U2SURP: variants seen among roughly 807,000 people sequenced by gnomAD.
The protein encoded by U2SURP is U2 snRNP-associated SURP motif-containing protein.
A neutral mutation model predicts 144.9 loss-of-function variants in U2SURP; 9 were observed. The ratio of observed to expected loss-of-function variants is 0.06; its 90% confidence interval spans 0.04 to 0.11. The LOEUF (loss-of-function observed/expected upper bound fraction) is 0.11. U2SURP is among the 10% of genes least tolerant of loss of function. The pLI, the probability that U2SURP is intolerant of heterozygous loss-of-function variation, is 1.00. For missense variants in U2SURP, 724 were observed against 1,226.7 expected, an observed-to-expected ratio of 0.59 and a Z score of 6.12; for synonymous variants, 408 against 396.8, an observed-to-expected ratio of 1.03 and a Z score of -0.33.
At chr3:143,034,838 A>G (rs1933722454) in intron 18 of U2SURP, 50 bp from the exon 19 acceptor site, 1 of 1,244,498 alleles carries the variant, frequency 8.0e-7, no homozygotes, top group South Asian at 1.3e-5. Flanking sequence ...GCTAAAAGGG[A>G]AAGGAATTTT....
At chr3:143,027,813 A>C (rs908398173) in intron 14 of U2SURP, among the ~76,000 whole-genome samples, 2 of 152,178 alleles carry the variant, frequency 1.3e-5, no homozygotes, top group Non-Finnish European at 1.5e-5. Context: ...TATTGAGGAC[A>C]ATTTTCCATC....
At chr3:143,047,791 G>A (rs1487344271) in intron 24 of U2SURP, among the ~76,000 whole-genome samples, 4 of 85,404 alleles carry the variant, frequency 4.7e-5, no homozygotes, top group African/African-American at 1.3e-4. Flanking sequence ...GCGACTGGCC[G>A]GGCAGAGGGG....
chr3:143,033,060 T>G, intron 17 of U2SURP, 114 bp downstream of exon 17: 1 of 1,217,472 alleles, frequency 8.2e-7, no homozygotes, highest in Non-Finnish European at 1.1e-6. Context: ...TGCAGTCTTA[T>G]GTTATTTCTG....
intron 16 of U2SURP, among the ~76,000 whole-genome samples, chr3:143,032,450 G>A (rs1442760531): frequency 2.0e-5 from 3 of 152,162 alleles, no homozygotes; most frequent in Non-Finnish European, 4.4e-5. Context: ...CTTCAAAGAA[G>A]GGGAGTAAAG....
In U2SURP at chr3:143,028,355, C is replaced by T; in HGVS notation, c.1395C>T (p.Asn465=). 1 of 1,612,184 alleles carries T rather than the reference C, an allele frequency of 6.2e-7. No individual in the cohort carries two copies. ...TTTTGTGTAGGTTCTTATTTGAAAACCAGACACCAGCCCATGTTTACTATA... is the reference window on the plus strand; with the variant it reads ...TTTTGTGTAGGTTCTTATTTGAAAATCAGACACCAGCCCATGTTTACTATA... ...NNPMFRFLFE[N]QTPAHVYYRW... The change falls in exon 15 of 28, where the codon AAC becomes AAT. Residue 465 remains asparagine, a synonymous_variant. Transcript: ENST00000473835.
rs1249912841 is a variant in U2SURP at position 143,006,628 on chromosome 3, G to A, written c.46-4187G>A. 2.0e-5 allele frequency among the ~76,000 whole-genome samples: 3 copies of A among 152,104 alleles called. No homozygotes were observed. The East Asian group carries it at 5.8e-4, about 29-fold the overall frequency. On this transcript the variant is annotated intron_variant, in intron 1 of 27. Transcript: ENST00000473835. ...AAATTAGCTGGGCATGGTGGCACATGCTACTCGGGAGGCTGAGGCAGGAGA... is the reference window on the plus strand; with the variant it reads ...AAATTAGCTGGGCATGGTGGCACATACTACTCGGGAGGCTGAGGCAGGAGA...
intron 24 of U2SURP, among the ~76,000 whole-genome samples, chr3:143,046,979 C>A (rs1224030410): frequency 7.7e-6 from 1 of 129,434 alleles, no homozygotes; most frequent in Non-Finnish European, 1.6e-5. Flanking sequence ...CCGGACGGGG[C>A]GGCTGGCCGG....
chr3:143,018,187 A>G (rs1217180777), intron 6 of U2SURP, among the ~76,000 whole-genome samples: 1 of 152,168 alleles, frequency 6.6e-6, no homozygotes, highest in East Asian at 1.9e-4. Context: ...ACCCATTATC[A>G]GTCACTCCCA....
intron 22 of U2SURP, among the ~76,000 whole-genome samples, 197 bp downstream of exon 22, chr3:143,038,400 G>A (rs1933924404): frequency 6.6e-6 from 1 of 151,886 alleles, no homozygotes; most frequent in African/African-American, 2.4e-5. Flanking sequence ...CCTTCAGTTT[G>A]GAAGCTTTGA....
intron 3 of U2SURP, among the ~76,000 whole-genome samples, chr3:143,013,809 A>T (rs1936229815): frequency 6.6e-6 from 1 of 152,098 alleles, no homozygotes; most frequent in South Asian, 2.1e-4. Context: ...ATGTTCATAA[A>T]TATCAGTATT....
At position 143,028,278 on chromosome 3, in the gene U2SURP, T is replaced by A. The variant is rs530347236; in HGVS notation, c.1380-62T>A. 184 of 1,480,060 alleles carry A rather than the reference T, an allele frequency of 1.2e-4. 1 individual carries two copies. The highest frequency in any genetic ancestry group is 9.5e-4 in the Middle Eastern group (4 of 4,196). The allele number at this position is 1,480,060 out of a possible 1,614,324, so 91.7% of individuals were successfully genotyped here. The stretch of plus-strand genomic sequence containing the variant: ...AAATAATATTTCTCATTTATTTATA[T>A]TTAATTGAAGATAGCTCTTTGTTAA... On this transcript the variant is annotated intron_variant, in intron 14 of 27. Transcript: ENST00000473835.
intron 10 of U2SURP, among the ~76,000 whole-genome samples, 153 bp from the exon 11 acceptor site, chr3:143,022,344 G>A (rs373949397): frequency 3.3e-4 from 50 of 152,302 alleles, no homozygotes; most frequent in African/African-American, 1.2e-3. Flanking sequence ...CCCCACGCGG[G>A]ATTTTACTTG....
intron 3 of U2SURP, 31 bp from the exon 4 acceptor site, chr3:143,014,280 T>C (rs1310746421): frequency 1.4e-6 from 2 of 1,444,052 alleles, no homozygotes; most frequent in South Asian, 1.3e-5. Flanking sequence ...ATTAAGAATC[T>C]ATATGTAAAA....
chr3:143,008,971 A>G (rs1935981751), intron 1 of U2SURP, among the ~76,000 whole-genome samples: 1 of 152,038 alleles, frequency 6.6e-6, no homozygotes, highest in African/African-American at 2.4e-5. Flanking sequence ...GATGGTCTCC[A>G]TCTCTTGATC....
chr3:143,020,135 C>G (rs1466670148), intron 7 of U2SURP, 99 bp downstream of exon 7: 1 of 666,128 alleles, frequency 1.5e-6, no homozygotes, highest in Non-Finnish European at 2.3e-6. Flanking sequence ...TTAGTTATTA[C>G]TAACCAGTTT....
intron 16 of U2SURP, 139 bp downstream of exon 16, chr3:143,028,785 A>G: frequency 1.4e-6 from 1 of 708,174 alleles, no homozygotes; most frequent in Non-Finnish European, 2.3e-6. Flanking sequence ...ATCTTTCATC[A>G]TGTGCTTTAT....
At chr3:143,051,356 C>T (rs556427392) in intron 25 of U2SURP, among the ~76,000 whole-genome samples, 7 of 152,186 alleles carry the variant, frequency 4.6e-5, no homozygotes, top group African/African-American at 9.6e-5. Flanking sequence ...GACAGTGAGA[C>T]GCCAACAACC....
chr3:143,004,358 T>G (rs1360508986), intron 1 of U2SURP, among the ~76,000 whole-genome samples: 13 of 60,030 alleles, frequency 2.2e-4, no homozygotes, highest in African/African-American at 1.4e-3. Context: ...GGGGTGTTTT[T>G]TTTTTTTTTT....
intron 21 of U2SURP, among the ~76,000 whole-genome samples, chr3:143,037,872 C>T (rs1344700061): frequency 6.6e-6 from 1 of 152,110 alleles, no homozygotes; most frequent in Non-Finnish European, 1.5e-5. Flanking sequence ...TCAACTTCTT[C>T]ACTTGCTTAA....
Sources: allele counts gnomAD v4.1 joint callset (sites outside exome capture counted in the v4.1 genomes callset), GRCh38; gene constraint gnomAD v4.1.1; transcripts MANE v1.5; gene names NCBI Gene and HGNC (gene_info 2026-07-23, HGNC 2026-07-21).